TRPM7: variants seen among roughly 807,000 people sequenced by gnomAD.
TRPM7 encodes LTRPC ion channel family member 7.
TRPM7 carries 134 observed loss-of-function variants against 229.7 expected under a neutral mutation model. The ratio of observed to expected loss-of-function variants is 0.58; its 90% CI spans 0.51 to 0.67. The LOEUF (loss-of-function observed/expected upper bound fraction) is 0.67. Among genes scored for constraint, TRPM7 ranks in the 30% least tolerant of loss-of-function variants. The pLI is 0.00. For missense variants in TRPM7, 1,901 were observed against 2,210.0 expected (o/e 0.86, Z 2.80); for synonymous variants, 699 against 715.2 (o/e 0.98, Z 0.36).
At chr15:50,659,621 T>G (rs1041717485) in intron 2 of TRPM7, among the ~76,000 whole-genome samples, 1 of 152,166 alleles carries the variant, frequency 6.6e-6, no homozygotes. Context: ...TATTGCAAAG[T>G]GGAATTAATA....
At chr15:50,583,020 T>A in intron 29 of TRPM7, 69 bp downstream of exon 29, 1 of 1,182,006 alleles carries the variant, frequency 8.5e-7, no homozygotes, top group Admixed American at 2.6e-5. Flanking sequence ...TATCACCACT[T>A]TGTAGATCTT....
At chr15:50,638,453 G>A (rs149056778) in intron 6 of TRPM7, among the ~76,000 whole-genome samples, 2,057 of 149,010 alleles carry the variant, frequency 0.014, 46 homozygotes, top group African/African-American at 0.049. Context: ...GGAGGCTGAG[G>A]CAGGAGAATC....
intron 24 of TRPM7, 36 bp downstream of exon 24, chr15:50,594,392 TA>T: frequency 6.6e-7 from 1 of 1,509,250 alleles, no homozygotes. Context: ...TGAGAAGTGA[TA>T]AAATGAAAAC....
At chr15:50,582,153 G>A (rs1018317345) in intron 29 of TRPM7, among the ~76,000 whole-genome samples, 1 of 152,052 alleles carries the variant, frequency 6.6e-6, no homozygotes, top group African/African-American at 2.4e-5. Context: ...TAGAGACAGG[G>A]TTTTGTCAGG....
At chr15:50,565,909 T>C (rs1269105209) in intron 38 of TRPM7, among the ~76,000 whole-genome samples, 1 of 151,918 alleles carries the variant, frequency 6.6e-6, no homozygotes, top group African/African-American at 2.4e-5. Flanking sequence ...TTGCAACCTC[T>C]GCCTCCCAGG....
chr15:50,574,948 T>TG lies in TRPM7; in HGVS notation c.4922dup (p.Gly1642ArgfsTer15). ...AAGATTTGATAATATAAAGATGCCC[T>TG]GATTTGAGGATATCATGTTCTGACC... On this transcript the variant is annotated frameshift_variant, in exon 34 of 39. Coordinates refer to ENST00000646667, the MANE Select transcript of TRPM7 (RefSeq NM_017672.6). LOFTEE classifies it high-confidence loss of function. 1 of 1,614,160 alleles carries TG rather than the reference T, an allele frequency of 6.2e-7. No homozygotes were observed. The highest frequency in any genetic ancestry group is 8.5e-7 in the Non-Finnish European group (1 of 1,179,988).
At chr15:50,639,140 T>C (rs1596278488) in intron 6 of TRPM7, among the ~76,000 whole-genome samples, 1 of 152,206 alleles carries the variant, frequency 6.6e-6, no homozygotes, top group Non-Finnish European at 1.5e-5. Context: ...TTACAAAGAC[T>C]AGCTTATATG....
chr15:50,638,580 A>T (rs1409876161), intron 6 of TRPM7, among the ~76,000 whole-genome samples: 1 of 152,034 alleles, frequency 6.6e-6, no homozygotes, highest in Non-Finnish European at 1.5e-5. Flanking sequence ...AAAACAATAA[A>T]ATGTAATATT....
chr15:50,593,755 G>C lies in TRPM7; in HGVS notation c.3476-6C>G. On this transcript the variant is annotated splice_polypyrimidine_tract_variant and splice_region_variant and intron_variant, in intron 24 of 38. Transcript: ENST00000646667. ...TTCTTCTGTTAAGAAAAGTTCTATGGGAGGAAAAGGAGAAGAAAATCAAGG... is the reference window on the plus strand; with the variant it reads ...TTCTTCTGTTAAGAAAAGTTCTATGCGAGGAAAAGGAGAAGAAAATCAAGG... 1 of 1,595,876 alleles carries C rather than the reference G, an allele frequency of 6.3e-7. No homozygotes were observed. The highest frequency in any genetic ancestry group is 8.5e-7 in the Non-Finnish European group (1 of 1,175,196).
intron 30 of TRPM7, among the ~76,000 whole-genome samples, chr15:50,580,601 A>G (rs1236625501): frequency 6.6e-6 from 1 of 152,228 alleles, no homozygotes; most frequent in East Asian, 1.9e-4. Flanking sequence ...AAACAGGACT[A>G]AATAATAAAA....
chr15:50,594,330 A>T (rs770689052), intron 24 of TRPM7, 99 bp downstream of exon 24: 18 of 1,116,388 alleles, frequency 1.6e-5, no homozygotes, highest in Non-Finnish European at 2.3e-5. Context: ...CATAACATTA[A>T]TCCACTAAGT....
At chr15:50,658,767 T>C (rs2061651901) in intron 2 of TRPM7, among the ~76,000 whole-genome samples, 1 of 152,244 alleles carries the variant, frequency 6.6e-6, no homozygotes, top group South Asian at 2.1e-4. Flanking sequence ...ACGTATAAAA[T>C]GAAAATTGTA....
At chr15:50,583,822 C>T (rs1386648503) in intron 28 of TRPM7, among the ~76,000 whole-genome samples, 1 of 152,140 alleles carries the variant, frequency 6.6e-6, no homozygotes, top group Non-Finnish European at 1.5e-5. Context: ...GATCCACCCG[C>T]CTCAACCTCC....
intron 20 of TRPM7, among the ~76,000 whole-genome samples, chr15:50,606,520 A>G (rs1342379207): frequency 2.0e-5 from 3 of 152,144 alleles, no homozygotes; most frequent in Non-Finnish European, 4.4e-5. Flanking sequence ...TTATTTTGAG[A>G]TAGAGTATCA....
intron 13 of TRPM7, among the ~76,000 whole-genome samples, chr15:50,618,688 G>A (rs538966876): frequency 3.3e-5 from 5 of 152,136 alleles, no homozygotes; most frequent in African/African-American, 9.6e-5. Context: ...GTTATGTAGC[G>A]GTGAAGACTA....
At chr15:50,658,523 T>G (rs946301191) in intron 2 of TRPM7, among the ~76,000 whole-genome samples, 1 of 149,514 alleles carries the variant, frequency 6.7e-6, no homozygotes, top group African/African-American at 2.5e-5. Flanking sequence ...TGAGCCATGA[T>G]CATGCCCCAC....
At chr15:50,637,384 G>A (rs1255913076) in intron 7 of TRPM7, 38 bp downstream of exon 7, 2 of 1,590,992 alleles carry the variant, frequency 1.3e-6, no homozygotes, top group East Asian at 2.2e-5. Flanking sequence ...TACAGCCCAG[G>A]ACAATTTCAA....
chr15:50,634,356 T>TAA (rs2060826995), intron 8 of TRPM7, 26 bp downstream of exon 8: 2 of 1,434,238 alleles, frequency 1.4e-6, no homozygotes, highest in African/African-American at 3.0e-5. Flanking sequence ...TAAATAAAAT[T>TAA]AATTAAAATG....
chr15:50,592,563 T>C lies in TRPM7; in HGVS notation c.3672A>G (p.Ser1224=). 1.2e-6 allele frequency: 2 copies of C among 1,610,930 alleles called. No individual in the cohort carries two copies. Among genetic ancestry groups the C allele is most frequent in the Non-Finnish European group, 1.7e-6 (2 of 1,179,920 alleles). ...VGDRVNYIKR[S]LQSLDSQIGH... is the part of the protein sequence containing the mutation. ...CAATTTGAGAATCTAATGATTGTAA[T>C]GATCTTTTTATGTAGTTGACACGAT... The change falls in exon 26 of 39, where the codon TCA becomes TCG. Residue 1224 remains serine, a synonymous_variant. Transcript: ENST00000646667.
Sources: allele counts gnomAD v4.1 joint callset (sites outside exome capture counted in the v4.1 genomes callset), GRCh38; gene constraint gnomAD v4.1.1; transcripts MANE v1.5; gene names NCBI Gene and HGNC (gene_info 2026-07-23, HGNC 2026-07-21).